SCHIP1: variants seen among roughly 807,000 people sequenced by gnomAD.
SCHIP1 encodes the protein schwannomin interacting protein 1.
A neutral mutation model predicts 29.7 loss-of-function variants in SCHIP1; 8 were observed. The observed-to-expected ratio is 0.27, with a 90% confidence interval of 0.16 to 0.49. SCHIP1 has a LOEUF of 0.49. Among genes scored for constraint, SCHIP1 ranks in the 20% least tolerant of loss-of-function variants. SCHIP1 has a pLI of 0.99. For synonymous variants in SCHIP1, 76 were observed against 94.9 expected (o/e 0.80, Z 1.16); for missense variants, 193 against 294.6 (o/e 0.66, Z 2.52).
At chr3:159,512,155 G>A in the SCHIP1 span, among the ~76,000 whole-genome samples, 1 of 151,960 alleles carries the variant, frequency 6.6e-6, no homozygotes, top group Non-Finnish European at 1.5e-5. Flanking sequence ...AGACAGAGAG[G>A]GAAAGAAGGA....
At chr3:159,883,808 C>T (rs1000954471) in intron 2 of SCHIP1, among the ~76,000 whole-genome samples, 6 of 152,190 alleles carry the variant, frequency 3.9e-5, no homozygotes, top group Admixed American at 3.3e-4. Flanking sequence ...TTTCTACCTG[C>T]GGCGTTTTTT....
At chr3:159,336,115 T>C in the SCHIP1 span, among the ~76,000 whole-genome samples, 3 of 152,236 alleles carry the variant, frequency 2.0e-5, no homozygotes, top group African/African-American at 4.8e-5. Context: ...CATTTTTTCA[T>C]GTGTCTTTTG....
At chr3:159,753,391 C>T in the SCHIP1 span, among the ~76,000 whole-genome samples, 3 of 152,150 alleles carry the variant, frequency 2.0e-5, no homozygotes, top group Non-Finnish European at 2.9e-5. Context: ...CCAAAACCTT[C>T]TCCTCCTACT....
chr3:159,745,006 G>A, the SCHIP1 span, among the ~76,000 whole-genome samples: 2 of 151,690 alleles, frequency 1.3e-5, no homozygotes, highest in Non-Finnish European at 2.9e-5. Flanking sequence ...AGAAGAAGAA[G>A]AAAGTGTTCA....
intron 1 of SCHIP1, among the ~76,000 whole-genome samples, chr3:159,852,083 C>T (rs1258716046): frequency 1.3e-5 from 2 of 152,156 alleles, no homozygotes; most frequent in African/African-American, 2.4e-5. Context: ...CACAAGTCTT[C>T]TACAAATTGA....
chr3:159,345,783 G>T, the SCHIP1 span, among the ~76,000 whole-genome samples: 1 of 152,198 alleles, frequency 6.6e-6, no homozygotes, highest in Admixed American at 6.5e-5. Flanking sequence ...AAAGGGCTAA[G>T]AGGAGGGCCT....
chr3:159,576,956 C>T, the SCHIP1 span, among the ~76,000 whole-genome samples: 19 of 152,156 alleles, frequency 1.2e-4, no homozygotes, highest in Non-Finnish European at 2.2e-4. Flanking sequence ...ATTTTATCAA[C>T]TTATCTAAGT....
At chr3:159,631,681 T>C in the SCHIP1 span, among the ~76,000 whole-genome samples, 3 of 152,114 alleles carry the variant, frequency 2.0e-5, no homozygotes, top group African/African-American at 7.2e-5. Context: ...GAATGGGGAA[T>C]AGGGAGTTAT....
intron 1 of SCHIP1, among the ~76,000 whole-genome samples, chr3:159,851,068 G>A (rs755435065): frequency 2.6e-5 from 4 of 152,204 alleles, no homozygotes; most frequent in African/African-American, 9.6e-5. Flanking sequence ...GAGCCCAGGA[G>A]CTCAAGACCA....
intron 6 of SCHIP1, among the ~76,000 whole-genome samples, chr3:159,895,999 A>G (rs181863847): frequency 1.9e-3 from 295 of 152,298 alleles, no homozygotes; most frequent in Admixed American, 7.1e-3. Flanking sequence ...CCTGGCCCAT[A>G]ATAGAGCTTT....
chr3:159,655,611 C>T, the SCHIP1 span, among the ~76,000 whole-genome samples: 6 of 152,030 alleles, frequency 3.9e-5, no homozygotes, highest in African/African-American at 9.7e-5. Context: ...AACAGCAGGC[C>T]GAGCGTGGTG....
At chr3:159,426,356 C>T in the SCHIP1 span, among the ~76,000 whole-genome samples, 5 of 152,046 alleles carry the variant, frequency 3.3e-5, no homozygotes, top group East Asian at 1.9e-4. Context: ...GGGGATATCA[C>T]CACCGATCCC....
chr3:159,531,484 T>C, the SCHIP1 span, among the ~76,000 whole-genome samples: 1 of 152,234 alleles, frequency 6.6e-6, no homozygotes, highest in Non-Finnish European at 1.5e-5. Context: ...TCTCCTTTGT[T>C]TTCTTCATGA....
the SCHIP1 span, among the ~76,000 whole-genome samples, chr3:159,375,526 G>A: frequency 9.0e-3 from 1,367 of 152,294 alleles, 26 homozygotes; most frequent in African/African-American, 0.031. Context: ...CACGAGGTCA[G>A]GAGATGGAGA....
chr3:159,368,682 G>A, the SCHIP1 span, among the ~76,000 whole-genome samples: 1 of 152,080 alleles, frequency 6.6e-6, no homozygotes, highest in Non-Finnish European at 1.5e-5. Context: ...GCTAGGACAT[G>A]CACACTACAT....
the SCHIP1 span, among the ~76,000 whole-genome samples, chr3:159,481,193 G>A: frequency 1.3e-5 from 2 of 152,146 alleles, no homozygotes; most frequent in African/African-American, 4.8e-5. Context: ...TAAATTATCA[G>A]GCTCTAGCCC....
At chr3:159,454,835 T>C in the SCHIP1 span, among the ~76,000 whole-genome samples, 1 of 152,188 alleles carries the variant, frequency 6.6e-6, no homozygotes, top group Non-Finnish European at 1.5e-5. Flanking sequence ...GACAGGTCTT[T>C]TGTCACCATC....
the SCHIP1 span, among the ~76,000 whole-genome samples, chr3:159,357,859 A>T: frequency 6.6e-6 from 1 of 152,226 alleles, no homozygotes. Flanking sequence ...TAGCAGGACT[A>T]CAAGATATGA....
the SCHIP1 span, among the ~76,000 whole-genome samples, chr3:159,673,250 C>A: frequency 1.3e-5 from 2 of 152,190 alleles, no homozygotes; most frequent in Non-Finnish European, 2.9e-5. Flanking sequence ...AAACATGCAA[C>A]AGTAAGGTAC....
Sources: gnomAD v4.1 joint callset for allele counts (sites outside exome capture counted in the v4.1 genomes callset) on GRCh38, gnomAD v4.1.1 for gene constraint, MANE v1.5 for transcripts, NCBI Gene and HGNC (gene_info 2026-07-23, HGNC 2026-07-21) for gene names.